GMCL1: variants seen among roughly 807,000 people sequenced by gnomAD.
GMCL1 encodes germ cell-less protein-like 1.
A neutral mutation model predicts 75.5 loss-of-function variants in GMCL1; 54 were observed. That is an observed-to-expected ratio of 0.71 (90% CI 0.57 to 0.90). GMCL1 has a LOEUF of 0.90. Ranked by LOEUF, GMCL1 falls within the 40% of genes least tolerant of loss-of-function variation. GMCL1 has a pLI of 0.00. For missense variants in GMCL1, 537 were observed against 622.7 expected (o/e 0.86, Z 1.47); for synonymous variants, 210 against 209.6 (o/e 1.00, Z -0.02).
chr2:69,845,374 A>G (rs950776713), intron 6 of GMCL1, among the ~76,000 whole-genome samples: 8 of 152,186 alleles, frequency 5.3e-5, no homozygotes, highest in Admixed American at 5.2e-4. Context: ...AGGGTTCTAA[A>G]AACCTACAAG....
intron 3 of GMCL1, 52 bp from the exon 4 acceptor site, chr2:69,840,890 C>A: frequency 1.6e-6 from 2 of 1,249,232 alleles, no homozygotes; most frequent in Non-Finnish European, 2.3e-6. Context: ...TTGTATAACA[C>A]TTGTAATAGA....
chr2:69,843,625 C>CA (rs1675048764), intron 5 of GMCL1, among the ~76,000 whole-genome samples: 1 of 152,152 alleles, frequency 6.6e-6, no homozygotes, highest in South Asian at 2.1e-4. Flanking sequence ...CCCATCTCTA[C>CA]AAAAAATTTT....
At chr2:69,835,337 A>G (rs1053078575) in intron 1 of GMCL1, among the ~76,000 whole-genome samples, 1 of 152,106 alleles carries the variant, frequency 6.6e-6, no homozygotes, top group African/African-American at 2.4e-5. Context: ...TGGGGTAAAT[A>G]TAATAATCTC....
At chr2:69,848,079 A>G (rs1390988406) in intron 7 of GMCL1, among the ~76,000 whole-genome samples, 1 of 152,196 alleles carries the variant, frequency 6.6e-6, no homozygotes, top group Non-Finnish European at 1.5e-5. Context: ...TCAACATTTA[A>G]AAAATCTAAT....
At position 69,851,474 on chromosome 2, in the gene GMCL1, G is replaced by A. The variant is rs191625507; in HGVS notation, c.934+1732G>A. ...AAAATACAAAAATTAGCCGGGTATGGTGGTGGTCGCCTATAATCCCAGCTG... is the reference window on the plus strand; with the variant it reads ...AAAATACAAAAATTAGCCGGGTATGATGGTGGTCGCCTATAATCCCAGCTG... On this transcript the variant is annotated intron_variant, in intron 8 of 13. Coordinates refer to ENST00000282570, the MANE Select transcript of GMCL1 (RefSeq NM_178439.5). Among the ~76,000 whole-genome samples the A allele has an allele frequency of 3.7e-3, 571 of 152,298 alleles. 3 individuals are homozygous for A. The highest frequency in any genetic ancestry group is 6.7e-3 in the Non-Finnish European group (458 of 68,026).
At chr2:69,834,064 A>G (rs891183776) in intron 1 of GMCL1, among the ~76,000 whole-genome samples, 11 of 152,212 alleles carry the variant, frequency 7.2e-5, no homozygotes, top group African/African-American at 2.7e-4. Flanking sequence ...TCAAGTGCTT[A>G]AAGTCAGGCC....
Position 69,829,963 on chromosome 2 carries a change from G to A in GMCL1, c.71G>A (p.Arg24Lys). 6.3e-7 allele frequency: 1 copy of A among 1,590,244 alleles called. No individual in the cohort carries two copies. The highest frequency in any genetic ancestry group is 8.6e-7 in the Non-Finnish European group (1 of 1,168,176). Residue 24 changes from arginine (R) to lysine (K), a missense_variant, in exon 1 of 14, where the codon AGG (arginine) becomes AAG (lysine). Coordinates refer to ENST00000282570, the MANE Select transcript of GMCL1 (RefSeq NM_178439.5). Reference sequence around the variant, plus strand: ...CTTGCCCAGCAGGCGCAGGGTGCCAGGGCGGGGGGCTCGGCCCGGAGGCCG... The same window carrying A: ...CTTGCCCAGCAGGCGCAGGGTGCCAAGGCGGGGGGCTCGGCCCGGAGGCCG... Reference protein sequence around the residue: ...PALAQQAQGARAGGSARRPDT... With the variant: ...PALAQQAQGAKAGGSARRPDT...
At chr2:69,833,584 C>G (rs149259392) in intron 1 of GMCL1, among the ~76,000 whole-genome samples, 2 of 152,268 alleles carry the variant, frequency 1.3e-5, no homozygotes, top group East Asian at 3.9e-4. Flanking sequence ...CCACTGCGCT[C>G]CAGCCTGAGC....
chr2:69,864,929 A>C lies in GMCL1; in HGVS notation c.1172A>C (p.Glu391Ala), dbSNP rs770013386. 1 of 1,613,510 alleles carries C rather than the reference A, an allele frequency of 6.2e-7. No individual in the cohort carries two copies. Among genetic ancestry groups the C allele is most frequent in the South Asian group, 1.1e-5 (1 of 91,050 alleles). The change falls in exon 11 of 14, where the codon GAG (glutamate) becomes GCG (alanine). Residue 391 changes from glutamate (E) to alanine (A), a missense_variant. This residue lies in a region of GMCL1 where 345 missense variants were observed against 410.5 expected (regional missense o/e 0.84). Coordinates refer to ENST00000282570, the MANE Select transcript of GMCL1 (RefSeq NM_178439.5). Reference protein sequence around the residue: ...GPQEINKEELEGNSMRCGRKL... With the variant: ...GPQEINKEELAGNSMRCGRKL... ...CAAGAAATCAATAAAGAAGAACTAG[A>C]GGGAAACAGCATGAGGTGTGGTAGA... is the stretch of plus-strand genomic sequence containing the variant.
chr2:69,833,199 G>A (rs1284886604), intron 1 of GMCL1, among the ~76,000 whole-genome samples: 1 of 152,190 alleles, frequency 6.6e-6, no homozygotes, highest in Non-Finnish European at 1.5e-5. Context: ...TACATGAGTG[G>A]ACTGGAATGG....
In GMCL1 at chr2:69,837,547, G is replaced by C. The variant is rs1438212429; in HGVS notation, c.261G>C (p.Arg87Ser). The C allele has an allele frequency of 6.5e-7, 1 of 1,527,818 alleles. No individual in the cohort carries two copies. Among genetic ancestry groups the C allele is most frequent in the Non-Finnish European group, 8.8e-7 (1 of 1,134,890 alleles). The allele number at this position is 1,527,818 out of a possible 1,614,324, so 94.6% of individuals were successfully genotyped here. Residue 87 changes from arginine (R) to serine (S), a missense_variant and splice_region_variant, in exon 2 of 14, where the codon AGG (arginine) becomes AGC (serine). This residue lies in a region of GMCL1 where 144 missense variants were observed against 127.2 expected (regional missense o/e 1.13). Transcript: ENST00000282570. ...EQQRLLNTPR[R>S]KKLKSTSKYI... ...GTGACTTTTTCATTTCTTTTAACAG[G>C]AAAAAATTAAAGAGTACATCTAAAT... is the stretch of plus-strand genomic sequence containing the variant.
intron 7 of GMCL1, 80 bp from the exon 8 acceptor site, chr2:69,849,572 G>A (rs1184526501): frequency 2.9e-5 from 26 of 902,616 alleles, no homozygotes; most frequent in Non-Finnish European, 4.1e-5. Context: ...ATATTTTAAG[G>A]TGAAAGCAAT....
At position 69,865,013 on chromosome 2, in the gene GMCL1, A is replaced by G. The variant is rs377022782; in HGVS notation, c.1218+38A>G. ...TGTGACTGTTAATATTCTTATACAA[A>G]TTGTATTATCAGCACATCCTGCACC... is the stretch of plus-strand genomic sequence containing the variant. On this transcript the variant is annotated intron_variant, in intron 11 of 13. Transcript: ENST00000282570. The G allele has an allele frequency of 1.1e-5, 16 of 1,464,782 alleles. No individual in the cohort carries two copies. The African/African-American group carries it at 2.2e-4, about 20-fold the overall frequency. The allele number at this position is 1,464,782 out of a possible 1,614,324, so 90.7% of individuals were successfully genotyped here. A position where few individuals can be genotyped will look rare whatever the true frequency, so the allele number is the denominator to read the frequency against.
intron 7 of GMCL1, among the ~76,000 whole-genome samples, chr2:69,848,107 TTGAAGACACA>T (rs1373190704): frequency 6.6e-6 from 1 of 152,218 alleles, no homozygotes; most frequent in African/African-American, 2.4e-5. Context: ...TCACAACTCT[TTGAAGACACA>T]GATCAGCCAT....
Position 69,879,529 on chromosome 2 carries a change from C to T in GMCL1, c.*525C>T, listed in dbSNP as rs1343775341. ...ACATTTTCACCTGCTCATTGTGATT[C>T]CTCCTTTTAGTCTAATATCTTTCCA... is the stretch of plus-strand genomic sequence containing the variant. On this transcript the variant is annotated 3_prime_UTR_variant, in exon 14 of 14. Coordinates refer to ENST00000282570, the MANE Select transcript of GMCL1 (RefSeq NM_178439.5). 6.6e-6 allele frequency: 1 copy of T among 152,198 alleles called. No homozygotes were observed. Among genetic ancestry groups the T allele is most frequent in the African/African-American group, 2.4e-5 (1 of 41,418 alleles). 9.4% of individuals were successfully genotyped at this position (152,198 alleles called of 1,614,324 possible).
chr2:69,836,673 G>T (rs1306402701), intron 1 of GMCL1, among the ~76,000 whole-genome samples: 1 of 152,200 alleles, frequency 6.6e-6, no homozygotes, highest in Non-Finnish European at 1.5e-5. Context: ...TTCAGAATTG[G>T]TCAGGAATTT....
chr2:69,839,465 C>T lies in GMCL1; in HGVS notation c.393C>T (p.Tyr131=). The T allele has an allele frequency of 6.4e-7, 1 of 1,574,332 alleles. No individual in the cohort carries two copies. Residue 131 remains tyrosine, a synonymous_variant, in exon 3 of 14, where the codon TAC becomes TAT. Transcript: ENST00000282570. The part of the protein sequence containing the change: ...LHKIYLCQSG[Y]FSSMFSGSWK... Reference sequence around the variant, plus strand: ...TTTTTTTTTTGTTTAAGTCTGGCTACTTTTCTAGTATGTTCAGTGGTTCTT... The same window carrying T: ...TTTTTTTTTTGTTTAAGTCTGGCTATTTTTCTAGTATGTTCAGTGGTTCTT...
chr2:69,841,623 G>C (rs2872076), intron 4 of GMCL1, among the ~76,000 whole-genome samples: 2 of 151,866 alleles, frequency 1.3e-5, no homozygotes, highest in African/African-American at 4.8e-5. Flanking sequence ...AGGGGAGGGA[G>C]GGTTGATATA....
intron 1 of GMCL1, among the ~76,000 whole-genome samples, chr2:69,833,051 A>C (rs928144860): frequency 1.3e-5 from 2 of 152,162 alleles, no homozygotes; most frequent in African/African-American, 2.4e-5. Context: ...AGTTTGCTCA[A>C]GTGTGGTAAG....
Sources: gnomAD v4.1 joint callset for allele counts (sites outside exome capture counted in the v4.1 genomes callset) on GRCh38, gnomAD v4.1.1 for gene constraint, gnomAD v4.1.1 regional missense constraint, MANE v1.5 for transcripts, NCBI Gene and HGNC (gene_info 2026-07-23, HGNC 2026-07-21) for gene names.